The following WDPCP variants were observed in gnomAD, a reference collection of about 807,000 sequenced individuals.
WDPCP encodes the protein WD repeat containing planar cell polarity effector.
In WDPCP, 71 loss-of-function variants were observed where a neutral mutation model predicts 93.1. The observed-to-expected ratio is 0.76, with a 90% CI of 0.63 to 0.93. WDPCP has a LOEUF of 0.93. Ranked by LOEUF, WDPCP falls within the 40% of genes least tolerant of loss-of-function variation. WDPCP has a pLI of 0.00. For synonymous variants in WDPCP, 315 were observed against 315.0 expected (o/e 1.00, Z 0.00); for missense variants, 844 against 887.4 (o/e 0.95, Z 0.62).
At position 63,259,225 on chromosome 2, in the gene WDPCP, T is replaced by A. The variant is rs1681398080; in HGVS notation, c.1915+82A>T. 1.4e-5 allele frequency: 17 copies of A among 1,178,846 alleles called. No individual in the cohort carries two copies. In the South Asian group the frequency reaches 1.6e-4, roughly 11 times the overall value. 73.0% of individuals were successfully genotyped at this position (1,178,846 alleles called of 1,614,324 possible). On this transcript the variant is annotated intron_variant, in intron 14 of 17. Coordinates refer to ENST00000272321, the MANE Select transcript of WDPCP (RefSeq NM_015910.7). The stretch of plus-strand genomic sequence containing the variant: ...CAAACAAAGTAATTCAAATTAACCA[T>A]CCATGTCCTCCAAACATAAATAGAA...
intron 13 of WDPCP, among the ~76,000 whole-genome samples, chr2:63,279,840 G>T (rs903434653): frequency 1.3e-5 from 2 of 151,686 alleles, no homozygotes; most frequent in Admixed American, 1.3e-4. Flanking sequence ...ATGAAATCAA[G>T]AACTCAACCC....
chr2:63,647,724 T>C (rs567134036), intron 3 of WDPCP, among the ~76,000 whole-genome samples: 8 of 152,338 alleles, frequency 5.3e-5, no homozygotes, highest in African/African-American at 1.4e-4. Context: ...GATATTGTAC[T>C]ATATTTTTGC....
chr2:63,185,296 T>G (rs764024682), intron 14 of WDPCP, among the ~76,000 whole-genome samples: 2 of 152,236 alleles, frequency 1.3e-5, no homozygotes, highest in Non-Finnish European at 2.9e-5. Flanking sequence ...ACTCCCTGAC[T>G]TGACTTTTCA....
chr2:63,681,335 C>T (rs1710489217), intron 2 of WDPCP, among the ~76,000 whole-genome samples: 1 of 152,104 alleles, frequency 6.6e-6, no homozygotes, highest in South Asian at 2.1e-4. Flanking sequence ...GAGTCACAGG[C>T]CTGGTAGCAT....
At chr2:63,688,927 A>G (rs1668851610) in intron 2 of WDPCP, among the ~76,000 whole-genome samples, 1 of 152,032 alleles carries the variant, frequency 6.6e-6, no homozygotes, top group Non-Finnish European at 1.5e-5. Context: ...CTATCTCAGG[A>G]GTTGGGCCCT....
At chr2:63,682,122 T>C (rs1389581022) in intron 2 of WDPCP, among the ~76,000 whole-genome samples, 1 of 152,128 alleles carries the variant, frequency 6.6e-6, no homozygotes, top group African/African-American at 2.4e-5. Flanking sequence ...TCTTCAAACA[T>C]ACACTGACAG....
chr2:63,564,868 C>G (rs1484031323), intron 1 of WDPCP, among the ~76,000 whole-genome samples: 2 of 151,718 alleles, frequency 1.3e-5, no homozygotes, highest in Non-Finnish European at 2.9e-5. Context: ...ACCTCCACCT[C>G]CCAGGTTCAA....
chr2:63,673,855 A>C (rs998455993), intron 2 of WDPCP, among the ~76,000 whole-genome samples: 3 of 152,168 alleles, frequency 2.0e-5, no homozygotes, highest in African/African-American at 7.2e-5. Flanking sequence ...TCCCCATCTG[A>C]GGCAATCTTA....
At chr2:63,169,763 C>G (rs887528632) in intron 15 of WDPCP, among the ~76,000 whole-genome samples, 2 of 151,744 alleles carry the variant, frequency 1.3e-5, no homozygotes, top group African/African-American at 4.8e-5. Flanking sequence ...TTCTCATTTT[C>G]TTTTGTTTTC....
chr2:63,625,510 C>A (rs544160481), intron 3 of WDPCP, among the ~76,000 whole-genome samples: 1 of 152,146 alleles, frequency 6.6e-6, no homozygotes, highest in Non-Finnish European at 1.5e-5. Flanking sequence ...GTGCAAAAAT[C>A]GCAAGCATTC....
chr2:63,474,887 C>G (rs1254726298), intron 6 of WDPCP, among the ~76,000 whole-genome samples: 1 of 152,056 alleles, frequency 6.6e-6, no homozygotes, highest in Non-Finnish European at 1.5e-5. Flanking sequence ...AATGTCTGCA[C>G]AGTAAAAAGA....
At chr2:63,605,322 C>T (rs1295400740) in intron 3 of WDPCP, 2 of 1,614,236 alleles carry the variant, frequency 1.2e-6, no homozygotes, top group South Asian at 2.2e-5. Context: ...GGCTCGAAAA[C>T]TATCCAGTGC....
chr2:63,724,618 G>A (rs951102622), intron 2 of WDPCP, among the ~76,000 whole-genome samples: 2 of 152,110 alleles, frequency 1.3e-5, no homozygotes, highest in African/African-American at 4.8e-5. Context: ...AGATTTAAAA[G>A]ACAAGTATGG....
At chr2:63,702,343 G>T (rs1185981284) in intron 2 of WDPCP, among the ~76,000 whole-genome samples, 1 of 152,172 alleles carries the variant, frequency 6.6e-6, no homozygotes, top group East Asian at 1.9e-4. Context: ...AATATTTAAG[G>T]TGATGGATCT....
rs139878372 is a variant in WDPCP at position 63,121,380 on chromosome 2, C to CTTTTTTTTTTTTTTT, written c.*611_*625dup. Reference sequence around the variant, plus strand: ...AGGACTTTCTTTCTTTCTTTTCTTTCTTTTTTTTTTTTTTTTTTTTTGGAG... The same window carrying CTTTTTTTTTTTTTTT: ...AGGACTTTCTTTCTTTCTTTTCTTTCTTTTTTTTTTTTTTTTTTTTTTTTTTTTTTTTTTTTGGAG... On this transcript the variant is annotated 3_prime_UTR_variant, in exon 18 of 18. Coordinates refer to ENST00000272321, the MANE Select transcript of WDPCP (RefSeq NM_015910.7). The CTTTTTTTTTTTTTTT allele has an allele frequency of 3.4e-5, 3 of 87,296 alleles. No homozygotes were observed. The highest frequency in any genetic ancestry group is 6.8e-5 in the Non-Finnish European group (3 of 44,310). The allele number at this position is 87,296 out of a possible 1,614,324, so 5.4% of individuals were successfully genotyped here.
intron 14 of WDPCP, among the ~76,000 whole-genome samples, chr2:63,252,299 C>T (rs996896867): frequency 1.3e-5 from 2 of 152,134 alleles, no homozygotes; most frequent in African/African-American, 4.8e-5. Flanking sequence ...AAGTAAGAGC[C>T]ATCTATGACA....
intron 2 of WDPCP, among the ~76,000 whole-genome samples, chr2:63,715,882 C>A (rs9309356): frequency 0.77 from 117,699 of 152,118 alleles, 46,850 homozygotes; most frequent in African/African-American, 0.89. Flanking sequence ...TAGGGAAATA[C>A]AGGAAGAAAA....
intron 14 of WDPCP, among the ~76,000 whole-genome samples, chr2:63,204,503 G>A (rs752437526): frequency 1.7e-4 from 26 of 151,674 alleles, no homozygotes; most frequent in Admixed American, 4.6e-4. Context: ...CACCACGCCC[G>A]GATAATTTTT....
intron 12 of WDPCP, among the ~76,000 whole-genome samples, chr2:63,374,239 C>T (rs1035149471): frequency 6.6e-6 from 1 of 152,042 alleles, no homozygotes; most frequent in Non-Finnish European, 1.5e-5. Context: ...CCTTTGTAAA[C>T]CAAGCACCTA....
Sources: gnomAD v4.1 joint callset for allele counts (sites outside exome capture counted in the v4.1 genomes callset) on GRCh38, gnomAD v4.1.1 for gene constraint, MANE v1.5 for transcripts, NCBI Gene and HGNC (gene_info 2026-07-23, HGNC 2026-07-21) for gene names.